The following CADM2 variants were observed in gnomAD, a reference collection of about 807,000 sequenced individuals.
CADM2 encodes cell adhesion molecule 2.
A neutral mutation model predicts 49.8 loss-of-function variants in CADM2; 12 were observed. The observed-to-expected ratio is 0.24, with a 90% confidence interval of 0.15 to 0.39. The LOEUF (loss-of-function observed/expected upper bound fraction) is 0.39. Among genes scored for constraint, CADM2 ranks in the 10% least tolerant of loss-of-function variants. The pLI is 1.00. For synonymous variants in CADM2, 214 were observed against 175.4 expected, an observed-to-expected ratio of 1.22 and a Z score of -1.74; for missense variants, 378 against 492.3, an observed-to-expected ratio of 0.77 and a Z score of 2.20.
chr3:85,902,552 T>A (rs1716268561), intron 5 of CADM2, among the ~76,000 whole-genome samples: 1 of 151,870 alleles, frequency 6.6e-6, no homozygotes, highest in South Asian at 2.1e-4. Flanking sequence ...ATGTATGATA[T>A]TACAATAATT....
chr3:84,975,802 G>A (rs1353619887), intron 1 of CADM2, among the ~76,000 whole-genome samples: 2 of 151,814 alleles, frequency 1.3e-5, no homozygotes, highest in Admixed American at 6.6e-5. Flanking sequence ...TTACAATGTA[G>A]AGAGATAATC....
At chr3:85,802,002 T>A in intron 2 of CADM2, 45 bp from the exon 3 acceptor site, 2 of 1,365,504 alleles carry the variant, frequency 1.5e-6, no homozygotes, top group South Asian at 1.8e-5. Context: ...AGTTAATCAT[T>A]TTATGACTTT....
At chr3:85,883,833 C>T (rs535288706) in intron 4 of CADM2, among the ~76,000 whole-genome samples, 56 of 152,240 alleles carry the variant, frequency 3.7e-4, no homozygotes, top group African/African-American at 1.2e-3. Flanking sequence ...ATACTATGCT[C>T]CTTTATTTGA....
At chr3:85,350,260 C>T (rs979523407) in intron 1 of CADM2, among the ~76,000 whole-genome samples, 9 of 152,084 alleles carry the variant, frequency 5.9e-5, no homozygotes, top group South Asian at 4.1e-4. Flanking sequence ...ATATCCAAAG[C>T]GAATATAGTT....
chr3:85,958,871 G>A (rs1423571020), intron 7 of CADM2, among the ~76,000 whole-genome samples: 1 of 151,922 alleles, frequency 6.6e-6, no homozygotes, highest in Non-Finnish European at 1.5e-5. Context: ...ACACAGGAAG[G>A]GGAACAACAC....
At chr3:85,066,534 C>T (rs1345203660) in intron 1 of CADM2, among the ~76,000 whole-genome samples, 1 of 152,088 alleles carries the variant, frequency 6.6e-6, no homozygotes, top group Non-Finnish European at 1.5e-5. Context: ...CCAACATGCA[C>T]CTGCACGCAC....
In CADM2 at chr3:85,008,554, G is replaced by A. The variant is rs146041099; in HGVS notation, c.61+48886G>A. ...TGAGGTTCTACTTTTTATTTTAAAA[G>A]TGAGGGAAAAAATATAGGGAAGTAG... On this transcript the variant is annotated intron_variant, in intron 1 of 9. Transcript: ENST00000383699. 3.2e-3 allele frequency among the ~76,000 whole-genome samples: 480 copies of A among 152,006 alleles called. 4 individuals carry two copies. Among genetic ancestry groups the A allele is most frequent in the Admixed American group, 0.011 (164 of 15,234 alleles).
At chr3:85,041,881 G>GA (rs1576097629) in intron 1 of CADM2, among the ~76,000 whole-genome samples, 1 of 151,726 alleles carries the variant, frequency 6.6e-6, no homozygotes, top group African/African-American at 2.4e-5. Context: ...AGAATGTAAA[G>GA]AAAAAAAAGT....
intron 1 of CADM2, among the ~76,000 whole-genome samples, chr3:85,140,259 A>T (rs1450782077): frequency 6.6e-6 from 1 of 152,206 alleles, no homozygotes; most frequent in East Asian, 1.9e-4. Context: ...GAAAATTTAT[A>T]GTTAGTAATT....
At chr3:85,014,752 C>T (rs1003143104) in intron 1 of CADM2, among the ~76,000 whole-genome samples, 2 of 152,110 alleles carry the variant, frequency 1.3e-5, no homozygotes, top group Non-Finnish European at 1.5e-5. Flanking sequence ...CTGTCATAAG[C>T]TTCGGTTCCT....
At chr3:85,052,721 A>G (rs143012002) in intron 1 of CADM2, among the ~76,000 whole-genome samples, 283 of 152,198 alleles carry the variant, frequency 1.9e-3, no homozygotes, top group African/African-American at 6.3e-3. Flanking sequence ...CCTAATTTAT[A>G]TAACTTGTAA....
intron 3 of CADM2, among the ~76,000 whole-genome samples, chr3:85,841,858 G>A (rs1207860453): frequency 6.6e-6 from 1 of 151,818 alleles, no homozygotes; most frequent in Non-Finnish European, 1.5e-5. Context: ...TCAAATGACT[G>A]TAATTTGTCT....
At chr3:85,501,684 T>C (rs1211352875) in intron 1 of CADM2, among the ~76,000 whole-genome samples, 3 of 152,134 alleles carry the variant, frequency 2.0e-5, no homozygotes, top group African/African-American at 7.2e-5. Context: ...TATTTAGCAG[T>C]CATTAAAACA....
intron 1 of CADM2, among the ~76,000 whole-genome samples, chr3:85,720,736 G>GA (rs970339942): frequency 7.2e-5 from 11 of 152,142 alleles, no homozygotes; most frequent in South Asian, 4.2e-4. Context: ...TGTGATTAGT[G>GA]AAAAAATGTG....
chr3:85,036,988 C>T (rs544383510), intron 1 of CADM2, among the ~76,000 whole-genome samples: 2 of 114,864 alleles, frequency 1.7e-5, no homozygotes, highest in Non-Finnish European at 3.5e-5. Flanking sequence ...CCCGTCTCTA[C>T]TAAAAATAGA....
intron 1 of CADM2, among the ~76,000 whole-genome samples, chr3:85,201,765 C>T (rs912953216): frequency 2.0e-5 from 3 of 151,930 alleles, no homozygotes; most frequent in Admixed American, 6.6e-5. Context: ...CTCCATAAAC[C>T]ACTTTGTTTG....
chr3:85,412,120 A>C (rs925918837), intron 1 of CADM2, among the ~76,000 whole-genome samples: 2 of 152,150 alleles, frequency 1.3e-5, no homozygotes, highest in Non-Finnish European at 2.9e-5. Flanking sequence ...GTGAGCCAAC[A>C]TGCCGGGCCC....
intron 1 of CADM2, among the ~76,000 whole-genome samples, chr3:85,144,303 T>C (rs1426831710): frequency 2.0e-5 from 3 of 151,558 alleles, no homozygotes; most frequent in Non-Finnish European, 2.9e-5. Flanking sequence ...GTCTTTAAAA[T>C]ATAAACATCA....
rs1160735135 is a variant in CADM2, at chr3:85,027,109, C to CTTTTTTTTTTTTTTTTTTTTTTTTT, written c.61+67464_61+67465insTTTTTTTTTTTTTTTTTTTTTTTTT. The stretch of plus-strand genomic sequence containing the variant: ...TGGTTGTTGTTGCTTTTTCTTTTTC[C>CTTTTTTTTTTTTTTTTTTTTTTTTT]TTTTTTTTTTTTTTTTTTTTTTTAA... On this transcript the variant is annotated intron_variant, in intron 1 of 9. Coordinates refer to ENST00000383699, the MANE Select transcript of CADM2 (RefSeq NM_001167675.2). Among the ~76,000 whole-genome samples, 4 of 55,690 alleles carry CTTTTTTTTTTTTTTTTTTTTTTTTT rather than the reference C, an allele frequency of 7.2e-5. 1 individual carries two copies. Among genetic ancestry groups the CTTTTTTTTTTTTTTTTTTTTTTTTT allele is most frequent in the East Asian group, 4.1e-4 (1 of 2,448 alleles). 36.5% of individuals were successfully genotyped at this position (55,690 alleles called of 152,430 possible).
Sources: gnomAD v4.1 joint callset for allele counts (sites outside exome capture counted in the v4.1 genomes callset) on GRCh38, gnomAD v4.1.1 for gene constraint, MANE v1.5 for transcripts, NCBI Gene and HGNC (gene_info 2026-07-23, HGNC 2026-07-21) for gene names.